GALNT13: variants seen among roughly 807,000 people sequenced by gnomAD.
GALNT13 encodes the protein polypeptide N-acetylgalactosaminyltransferase 13.
A neutral mutation model predicts 64.2 loss-of-function variants in GALNT13; 28 were observed. That is an observed-to-expected ratio of 0.44 (90% CI 0.32 to 0.60). GALNT13 has a LOEUF of 0.60. Ranked by LOEUF, GALNT13 falls within the 20% of genes least tolerant of loss-of-function variation. The pLI, the probability that GALNT13 is intolerant of heterozygous loss-of-function variation, is 0.05. For synonymous variants in GALNT13, 214 were observed against 224.6 expected (o/e 0.95, Z 0.42); for missense variants, 577 against 669.8 (o/e 0.86, Z 1.53).
At chr2:154,172,720 T>C (rs1462729804) in intron 4 of GALNT13, among the ~76,000 whole-genome samples, 1 of 151,790 alleles carries the variant, frequency 6.6e-6, no homozygotes, top group African/African-American at 2.4e-5. Flanking sequence ...TGATGGGCAC[T>C]TACATTGATT....
chr2:153,292,571 A>G, the GALNT13 span, among the ~76,000 whole-genome samples: 1 of 152,116 alleles, frequency 6.6e-6, no homozygotes, highest in Middle Eastern at 3.2e-3. Context: ...CAAAGAGCTG[A>G]GGTTGCAGGA....
chr2:154,070,017 A>G (rs1160317693), intron 3 of GALNT13, among the ~76,000 whole-genome samples: 1 of 152,132 alleles, frequency 6.6e-6, no homozygotes, highest in African/African-American at 2.4e-5. Flanking sequence ...TAAAGAATGC[A>G]CTATTAATAA....
intron 3 of GALNT13, among the ~76,000 whole-genome samples, chr2:153,990,166 T>A (rs2105186145): frequency 6.6e-6 from 1 of 152,134 alleles, no homozygotes; most frequent in South Asian, 2.1e-4. Context: ...ATGTGAAAAA[T>A]TAAGGCCTGA....
the GALNT13 span, among the ~76,000 whole-genome samples, chr2:153,389,147 G>C: frequency 6.6e-6 from 1 of 152,206 alleles, no homozygotes; most frequent in African/African-American, 2.4e-5. Flanking sequence ...ACTTGCATAA[G>C]AGTCTCCACA....
chr2:153,590,452 A>G, the GALNT13 span, among the ~76,000 whole-genome samples: 1 of 134,286 alleles, frequency 7.4e-6, no homozygotes, highest in African/African-American at 3.1e-5. Context: ...CCAAGAAATC[A>G]AGGAAGAGAG....
the GALNT13 span, among the ~76,000 whole-genome samples, chr2:153,673,110 G>A: frequency 2.0e-5 from 3 of 152,246 alleles, no homozygotes; most frequent in South Asian, 6.2e-4. Context: ...TGGATTCACA[G>A]CCAAATTCTA....
chr2:153,856,211 A>T, the GALNT13 span, among the ~76,000 whole-genome samples: 1 of 151,734 alleles, frequency 6.6e-6, no homozygotes, highest in Non-Finnish European at 1.5e-5. Flanking sequence ...TAAATGGGTG[A>T]GTTGTAAGTG....
At chr2:153,201,365 C>G in the GALNT13 span, among the ~76,000 whole-genome samples, 1 of 152,154 alleles carries the variant, frequency 6.6e-6, no homozygotes, top group Non-Finnish European at 1.5e-5. Flanking sequence ...AAGTGAGGGC[C>G]TACAGAAAAC....
intron 3 of GALNT13, among the ~76,000 whole-genome samples, chr2:154,048,789 C>T (rs1421416999): frequency 6.6e-6 from 1 of 151,694 alleles, no homozygotes; most frequent in Non-Finnish European, 1.5e-5. Flanking sequence ...TCTCATGGTG[C>T]TATAGAGATT....
chr2:153,981,403 T>G (rs189013907), intron 3 of GALNT13, among the ~76,000 whole-genome samples: 146 of 152,174 alleles, frequency 9.6e-4, no homozygotes, highest in African/African-American at 3.3e-3. Flanking sequence ...TGTGTGATGT[T>G]CCCCTTCCTG....
the GALNT13 span, among the ~76,000 whole-genome samples, chr2:153,413,948 C>T: frequency 1.8e-4 from 28 of 152,166 alleles, no homozygotes; most frequent in Non-Finnish European, 3.2e-4. Context: ...AATCTCTGTA[C>T]ATCCTATGAC....
At chr2:154,336,619 A>G (rs1277355825) in intron 9 of GALNT13, among the ~76,000 whole-genome samples, 1 of 152,098 alleles carries the variant, frequency 6.6e-6, no homozygotes, top group Non-Finnish European at 1.5e-5. Context: ...AATGTCCATT[A>G]AGCAAATAAT....
intron 4 of GALNT13, among the ~76,000 whole-genome samples, chr2:154,234,923 AAG>A (rs1303994310): frequency 6.6e-6 from 1 of 152,146 alleles, no homozygotes; most frequent in Non-Finnish European, 1.5e-5. Context: ...GAGTATAAAA[AAG>A]TAAAAGATTA....
rs1444680110 is a variant in GALNT13 at position 153,913,155 on chromosome 2, G to A, written c.-105+12148G>A. ...GGTGGTGGTGGCTGCCTAGGTTGTG[G>A]GCAAGCTGTCTGTTTTCCCTGCCTA... On this transcript the variant is annotated intron_variant, in intron 2 of 12. Transcript: ENST00000392825. Among the ~76,000 whole-genome samples, 8 of 152,158 alleles carry A rather than the reference G, an allele frequency of 5.3e-5. No homozygotes were observed. The South Asian group carries it at 1.4e-3, about 28-fold the overall frequency.
the GALNT13 span, among the ~76,000 whole-genome samples, chr2:153,511,333 G>T: frequency 3.3e-5 from 5 of 151,992 alleles, no homozygotes; most frequent in African/African-American, 1.2e-4. Flanking sequence ...ACCCAAGCAG[G>T]TTCCTATAGA....
chr2:154,110,594 C>A (rs1163280165), intron 3 of GALNT13, among the ~76,000 whole-genome samples: 1 of 151,652 alleles, frequency 6.6e-6, no homozygotes, highest in Non-Finnish European at 1.5e-5. Context: ...CCAGTCTAGT[C>A]TTTTGACATT....
chr2:153,658,206 C>T, the GALNT13 span, among the ~76,000 whole-genome samples: 1 of 152,066 alleles, frequency 6.6e-6, no homozygotes, highest in East Asian at 1.9e-4. Flanking sequence ...GCCAAGTTAT[C>T]CTCTATTCTT....
chr2:153,108,031 C>T, the GALNT13 span, among the ~76,000 whole-genome samples: 2 of 152,080 alleles, frequency 1.3e-5, no homozygotes, highest in Non-Finnish European at 2.9e-5. Context: ...ACATGCATCA[C>T]CACACTCGGC....
At chr2:153,311,629 C>T in the GALNT13 span, among the ~76,000 whole-genome samples, 1 of 152,190 alleles carries the variant, frequency 6.6e-6, no homozygotes, top group Non-Finnish European at 1.5e-5. Flanking sequence ...GTTGGCTGGC[C>T]TCAGAGGATC....
Sources: allele counts gnomAD v4.1 joint callset (sites outside exome capture counted in the v4.1 genomes callset), GRCh38; gene constraint gnomAD v4.1.1; transcripts MANE v1.5; gene names NCBI Gene and HGNC (gene_info 2026-07-23, HGNC 2026-07-21).